NAV2: variants seen among roughly 807,000 people sequenced by gnomAD.
The protein encoded by NAV2 is helicase, APC down-regulated 1.
NAV2 carries 54 observed loss-of-function variants against 223.2 expected under a neutral mutation model. The ratio of observed to expected loss-of-function variants is 0.24; its 90% CI spans 0.19 to 0.30. NAV2 has a LOEUF of 0.30. NAV2 is among the 10% of genes least tolerant of loss of function. NAV2 has a pLI of 1.00. For synonymous variants in NAV2, 1,279 were observed against 1,239.3 expected (o/e 1.03, Z -0.67); for missense variants, 2,806 against 3,147.5 (o/e 0.89, Z 2.60).
intron 1 of NAV2, among the ~76,000 whole-genome samples, chr11:19,482,261 A>G (rs1173135170): frequency 6.6e-6 from 1 of 152,206 alleles, no homozygotes; most frequent in Admixed American, 6.5e-5. Context: ...AAAAAGGAAG[A>G]CATCAGCTCC....
intron 1 of NAV2, among the ~76,000 whole-genome samples, chr11:19,799,929 C>T (rs1024748390): frequency 6.6e-6 from 1 of 152,138 alleles, no homozygotes. Context: ...GAATATGCTC[C>T]TTTTCACAAG....
At chr11:19,666,910 A>G (rs2048426970) in intron 1 of NAV2, among the ~76,000 whole-genome samples, 1 of 152,194 alleles carries the variant, frequency 6.6e-6, no homozygotes, top group Non-Finnish European at 1.5e-5. Flanking sequence ...CTATTTTTAT[A>G]TAATTCTCCA....
Position 20,007,187 on chromosome 11 carries a change from A to C in NAV2, c.2768+22940A>C, listed in dbSNP as rs140690759. Among the ~76,000 whole-genome samples, 1,053 of 151,538 alleles carry C rather than the reference A, an allele frequency of 6.9e-3. 6 individuals are homozygous for C. Among genetic ancestry groups the C allele is most frequent in the Middle Eastern group, 0.021 (6 of 292 alleles). On this transcript the variant is annotated intron_variant, in intron 11 of 37. Transcript: ENST00000349880. ...ATCCAGTCTGGTCTTGAACTTCTGG[A>C]CTCCACGGCTTTGGCCCCTCAAAAG...
At chr11:19,505,755 G>C (rs750732831) in intron 1 of NAV2, 1 of 152,232 alleles carries the variant, frequency 6.6e-6, no homozygotes, top group Non-Finnish European at 1.5e-5. Context: ...CCTGGGCTGA[G>C]TGGGAAGGCT....
At chr11:19,493,503 A>T (rs898853789) in intron 1 of NAV2, among the ~76,000 whole-genome samples, 1 of 152,170 alleles carries the variant, frequency 6.6e-6, no homozygotes, top group Non-Finnish European at 1.5e-5. Flanking sequence ...AAAATTTATG[A>T]TTAAACATGA....
At chr11:19,582,317 C>T (rs1214618415) in intron 1 of NAV2, among the ~76,000 whole-genome samples, 2 of 152,090 alleles carry the variant, frequency 1.3e-5, no homozygotes, top group Admixed American at 1.3e-4. Flanking sequence ...CTGTAGGTTG[C>T]CTGTTCACTC....
At chr11:19,907,531 A>AGG (rs920662509) in intron 6 of NAV2, among the ~76,000 whole-genome samples, 63 of 31,876 alleles carry the variant, frequency 2.0e-3, no homozygotes, top group African/African-American at 3.5e-3. Context: ...TCATAGGGGG[A>AGG]GGGGGAATTT....
chr11:19,832,426 A>G (rs2152905905), intron 1 of NAV2, 58 bp from the exon 2 acceptor site: 1 of 1,383,258 alleles, frequency 7.2e-7, no homozygotes, highest in Non-Finnish European at 1.0e-6. Context: ...CAGCTGCCTC[A>G]GACTCTGAGA....
intron 1 of NAV2, among the ~76,000 whole-genome samples, chr11:19,621,423 C>G (rs1394531723): frequency 2.0e-5 from 3 of 152,196 alleles, no homozygotes; most frequent in Non-Finnish European, 4.4e-5. Context: ...ATTATTGCCT[C>G]AATTTCGGAG....
At chr11:19,709,775 A>C (rs1435496932), upstream of NAV2, among the ~76,000 whole-genome samples, 1 of 152,098 alleles carries the variant, frequency 6.6e-6, no homozygotes, top group South Asian at 2.1e-4. Context: ...CTGGGAAATT[A>C]GAGCAAAACT....
intron 1 of NAV2, among the ~76,000 whole-genome samples, chr11:19,386,750 C>G (rs542553696): frequency 6.6e-6 from 1 of 152,086 alleles, no homozygotes; most frequent in Admixed American, 6.6e-5. Flanking sequence ...CCAAACAAGC[C>G]CCTTATCTCT....
Position 19,756,253 on chromosome 11 carries a change from T to G in NAV2, c.267+42291T>G, listed in dbSNP as rs539677859. ...AGGTCATTCTAAGGGTATGCTTAAATTATTGCTATAAGGGGCACTTACCCT... is the reference window on the plus strand; with the variant it reads ...AGGTCATTCTAAGGGTATGCTTAAAGTATTGCTATAAGGGGCACTTACCCT... On this transcript the variant is annotated intron_variant, in intron 1 of 37. Transcript: ENST00000349880. Among the ~76,000 whole-genome samples, 14 of 152,256 alleles carry G rather than the reference T, an allele frequency of 9.2e-5. 3 individuals carry two copies. Among genetic ancestry groups the G allele is most frequent in the African/African-American group, 3.4e-4 (14 of 41,536 alleles).
intron 3 of NAV2, among the ~76,000 whole-genome samples, chr11:19,865,138 T>G (rs1393283395): frequency 6.6e-6 from 1 of 152,224 alleles, no homozygotes; most frequent in Non-Finnish European, 1.5e-5. Context: ...TTTACATACT[T>G]TGCTGTTTAA....
At chr11:19,622,820 A>T (rs572194781) in intron 1 of NAV2, among the ~76,000 whole-genome samples, 3 of 152,180 alleles carry the variant, frequency 2.0e-5, no homozygotes, top group South Asian at 4.2e-4. Flanking sequence ...ATGTTAGCTG[A>T]GTATTTTGCT....
chr11:19,703,288 G>A (rs1590115504), intron 1 of NAV2, among the ~76,000 whole-genome samples: 1 of 152,148 alleles, frequency 6.6e-6, no homozygotes. Context: ...TAAACCCTGG[G>A]CACTGGGCCT....
intron 1 of NAV2, among the ~76,000 whole-genome samples, chr11:19,388,319 C>A (rs963725644): frequency 6.6e-6 from 1 of 152,148 alleles, no homozygotes; most frequent in Non-Finnish European, 1.5e-5. Context: ...TGCAAGAACC[C>A]GACTGTCCCA....
chr11:19,778,561 C>T (rs1331571410), intron 1 of NAV2, among the ~76,000 whole-genome samples: 1 of 152,178 alleles, frequency 6.6e-6, no homozygotes, highest in East Asian at 1.9e-4. Flanking sequence ...AAGAAAGTCA[C>T]AGCAGCTGCA....
At chr11:19,960,667 G>A (rs2048284549) in intron 10 of NAV2, among the ~76,000 whole-genome samples, 1 of 151,358 alleles carries the variant, frequency 6.6e-6, no homozygotes, top group Non-Finnish European at 1.5e-5. Flanking sequence ...AGGCTGGAGG[G>A]CAGTGGCACA....
intron 1 of NAV2, among the ~76,000 whole-genome samples, chr11:19,818,577 A>G (rs902182343): frequency 1.3e-5 from 2 of 152,214 alleles, no homozygotes; most frequent in African/African-American, 4.8e-5. Context: ...ATATAATTTA[A>G]TTATTAAAAT....
Sources: gnomAD v4.1 joint callset for allele counts (sites outside exome capture counted in the v4.1 genomes callset) on GRCh38, gnomAD v4.1.1 for gene constraint, MANE v1.5 for transcripts, NCBI Gene and HGNC (gene_info 2026-07-23, HGNC 2026-07-21) for gene names.